The following HEPACAM variants were observed in gnomAD, a reference collection of about 807,000 sequenced individuals.
HEPACAM encodes the protein hepatic and glial cell adhesion molecule.
HEPACAM carries 18 observed loss-of-function variants against 38.3 expected under a neutral mutation model. The observed-to-expected ratio is 0.47, with a 90% CI of 0.33 to 0.70. HEPACAM has a LOEUF of 0.70. HEPACAM is among the 30% of genes least tolerant of loss of function. HEPACAM has a pLI of 0.03. For missense variants in HEPACAM, 466 were observed against 563.0 expected (o/e 0.83, Z 1.74); for synonymous variants, 216 against 243.1 (o/e 0.89, Z 1.04).
At chr11:124,929,951 T>A (rs901099860) in intron 1 of HEPACAM, among the ~76,000 whole-genome samples, 1 of 152,106 alleles carries the variant, frequency 6.6e-6, no homozygotes, top group Non-Finnish European at 1.5e-5. Flanking sequence ...GTGCCAAATA[T>A]GTGTTCTAGG....
In HEPACAM at chr11:124,922,784, C is replaced by T; in HGVS notation, c.838G>A (p.Glu280Lys). The change falls in exon 5 of 7, where the codon GAA (glutamate) becomes AAA (lysine). Residue 280 changes from glutamate to lysine, a missense_variant. By Grantham distance (56) the Glu-to-Lys change is moderately conservative. Coordinates refer to ENST00000298251, the MANE Select transcript of HEPACAM (RefSeq NM_152722.5). ...CGGTCATCATTCTGATCCATGTATT[C>T]CAGGGAGTTTTGCTTTTCTAGCTTC... is the stretch of plus-strand genomic sequence containing the variant. ...QKKLEKQNSL[E>K]YMDQNDDRLK... 6.2e-7 allele frequency: 1 copy of T among 1,614,150 alleles called. No individual in the cohort carries two copies. Among genetic ancestry groups the T allele is most frequent in the South Asian group, 1.1e-5 (1 of 91,088 alleles).
intron 6 of HEPACAM, among the ~76,000 whole-genome samples, 168 bp downstream of exon 6, chr11:124,922,220 C>G (rs1277243797): frequency 6.6e-6 from 1 of 152,192 alleles, no homozygotes; most frequent in Non-Finnish European, 1.5e-5. Flanking sequence ...TGAAACCACC[C>G]GCATCACCAT....
At chr11:124,928,202 G>A (rs759708521) in intron 1 of HEPACAM, among the ~76,000 whole-genome samples, 12 of 152,274 alleles carry the variant, frequency 7.9e-5, no homozygotes, top group South Asian at 4.1e-4. Flanking sequence ...CTGGCTCTGC[G>A]CATCAGACTA....
At chr11:124,925,592 G>A (rs151023871) in intron 1 of HEPACAM, among the ~76,000 whole-genome samples, 4 of 152,304 alleles carry the variant, frequency 2.6e-5, no homozygotes, top group East Asian at 1.9e-4. Flanking sequence ...GGAGCGGGTC[G>A]TGAGACAGTG....
At position 124,924,727 on chromosome 11, in the gene HEPACAM, C is replaced by T; in HGVS notation, c.427+1G>A. The T allele has an allele frequency of 1.2e-6, 2 of 1,613,284 alleles. No homozygotes were observed. Among genetic ancestry groups the T allele is most frequent in the Non-Finnish European group, 1.7e-6 (2 of 1,179,234 alleles). On this transcript the variant is annotated splice_donor_variant, in intron 2 of 6. Transcript: ENST00000298251. LOFTEE classifies it high-confidence loss of function. This position sits in a 1 kb window ranked among gnomAD's most constrained non-coding sequence, Gnocchi z 4.4. ...CCTCTTTCCCTGCCAGAGCGCTTTA[C>T]CATCTACAGTAAGGTTGATGGTCTT...
At position 124,924,760 on chromosome 11, in the gene HEPACAM, G is replaced by T; in HGVS notation, c.395C>A (p.Thr132Asn). The T allele has an allele frequency of 6.2e-7, 1 of 1,614,108 alleles. No individual in the cohort carries two copies. Among genetic ancestry groups the T allele is most frequent in the Non-Finnish European group, 8.5e-7 (1 of 1,179,998 alleles). The change falls in exon 2 of 7, where the codon ACT becomes AAT. Residue 132 changes from threonine (T) to asparagine (N), a missense_variant. Thr to Asn is a moderately conservative substitution (Grantham distance 65). Coordinates refer to ENST00000298251, the MANE Select transcript of HEPACAM (RefSeq NM_152722.5). This position sits in a 1 kb window ranked among gnomAD's most constrained non-coding sequence, Gnocchi z 4.4. ...VEISITDDTF[T>N]GEKTINLTVD... is the part of the protein sequence containing the mutation. ...AGTAAGGTTGATGGTCTTCTCCCCA[G>T]TGAAGGTGTCGTCGGTGATGGAGAT...
At chr11:124,926,894 A>G (rs555484958) in intron 1 of HEPACAM, among the ~76,000 whole-genome samples, 28 of 151,798 alleles carry the variant, frequency 1.8e-4, no homozygotes, top group African/African-American at 6.8e-4. Flanking sequence ...TTTGAGACGG[A>G]GTCTTGTTCT....
chr11:124,929,490 C>G (rs1947258155), intron 1 of HEPACAM, among the ~76,000 whole-genome samples: 2 of 152,160 alleles, frequency 1.3e-5, no homozygotes, highest in Admixed American at 6.5e-5. Flanking sequence ...AGAACTGGGA[C>G]AGGAGCCAAA....
In HEPACAM at chr11:124,921,116, T is replaced by A; in HGVS notation, c.*22A>T. The stretch of plus-strand genomic sequence containing the variant: ...CCACTGGCCGCAGACCGCGGGCGCC[T>A]CTCAGGGGATCCCGAGGCGGCTCAG... On this transcript the variant is annotated 3_prime_UTR_variant, in exon 7 of 7. Coordinates refer to ENST00000298251, the MANE Select transcript of HEPACAM (RefSeq NM_152722.5). The surrounding 1 kb of genome is among the most constrained non-coding windows in gnomAD (Gnocchi z 4.6). 1.3e-6 allele frequency: 2 copies of A among 1,523,492 alleles called. No individual in the cohort carries two copies. The highest frequency in any genetic ancestry group is 1.8e-6 in the Non-Finnish European group (2 of 1,142,018). The allele number at this position is 1,523,492 out of a possible 1,614,324, so 94.4% of individuals were successfully genotyped here. A position where few individuals can be genotyped will look rare whatever the true frequency, so the allele number is the denominator to read the frequency against.
intron 1 of HEPACAM, among the ~76,000 whole-genome samples, chr11:124,933,517 T>C (rs1317695128): frequency 1.3e-5 from 2 of 152,180 alleles, no homozygotes; most frequent in East Asian, 1.9e-4. Flanking sequence ...TTTTTCCACA[T>C]AGAATATCCT....
chr11:124,923,742 C>T lies in HEPACAM; in HGVS notation c.696G>A (p.Lys232=), dbSNP rs771212062. ...GGGGAAACTCACTGTATACGGTGAT[C>T]TTGACAGGCAGGCTGCGGCCCTGGC... ...PISQGRSLPV[K]ITVYRRSSLY... is the part of the protein sequence containing the mutation. The change falls in exon 3 of 7, where the codon AAG becomes AAA. Residue 232 remains lysine (K), a synonymous_variant. Coordinates refer to ENST00000298251, the MANE Select transcript of HEPACAM (RefSeq NM_152722.5). The T allele has an allele frequency of 7.3e-5, 118 of 1,614,152 alleles. 1 individual carries two copies. In the Middle Eastern group the frequency reaches 5.6e-3, roughly 77 times the overall value.
In HEPACAM at chr11:124,922,784, C is replaced by G. The variant is rs761989364; in HGVS notation, c.838G>C (p.Glu280Gln). 7 of 1,614,150 alleles carry G rather than the reference C, an allele frequency of 4.3e-6. No individual in the cohort carries two copies. In the East Asian group the frequency reaches 1.1e-4, roughly 26 times the overall value. ...CGGTCATCATTCTGATCCATGTATT[C>G]CAGGGAGTTTTGCTTTTCTAGCTTC... The part of the protein sequence containing the change: ...QKKLEKQNSL[E>Q]YMDQNDDRLK... Residue 280 changes from glutamate to glutamine, a missense_variant, in exon 5 of 7, where the codon GAA becomes CAA. Coordinates refer to ENST00000298251, the MANE Select transcript of HEPACAM (RefSeq NM_152722.5).
chr11:124,924,056 T>A lies in HEPACAM; in HGVS notation c.428-46A>T. ...AGCCTGTAAGTCATTGGCTAAGAAG[T>A]GTCTCCCTTCCCCTTTTTAGCTCCC... On this transcript the variant is annotated intron_variant, in intron 2 of 6. Coordinates refer to ENST00000298251, the MANE Select transcript of HEPACAM (RefSeq NM_152722.5). This position sits in a 1 kb window ranked among gnomAD's most constrained non-coding sequence, Gnocchi z 4.4. 1.3e-6 allele frequency: 2 copies of A among 1,562,570 alleles called. No individual in the cohort carries two copies. Among genetic ancestry groups the A allele is most frequent in the Non-Finnish European group, 1.7e-6 (2 of 1,157,524 alleles).
rs1199437129 is a variant in HEPACAM at position 124,924,988 on chromosome 11, T to C, written c.167A>G (p.Gln56Arg). ...TVGKSALLSV[Q>R]YSSTSSDRPV... ...CCTGTCGCTGCTGGTACTGCTGTAC[T>C]GCACAGAAAGCAGAGCCGACTTCCC... The change falls in exon 2 of 7, where the codon CAG (glutamine) becomes CGG (arginine). Residue 56 changes from glutamine to arginine, a missense_variant. Gln to Arg is a conservative substitution (Grantham distance 43, BLOSUM62 1). Transcript: ENST00000298251. This position sits in a 1 kb window ranked among gnomAD's most constrained non-coding sequence, Gnocchi z 4.4. 1.9e-6 allele frequency: 3 copies of C among 1,610,704 alleles called. No homozygotes were observed. The highest frequency in any genetic ancestry group is 2.5e-6 in the Non-Finnish European group (3 of 1,177,262).
At chr11:124,931,442 A>T (rs982858680) in intron 1 of HEPACAM, among the ~76,000 whole-genome samples, 1 of 152,214 alleles carries the variant, frequency 6.6e-6, no homozygotes, top group Non-Finnish European at 1.5e-5. Context: ...CCTGGCCTCA[A>T]GCAATCTTTA....
chr11:124,920,488 A>G lies in HEPACAM; in HGVS notation c.*650T>C. On this transcript the variant is annotated 3_prime_UTR_variant, in exon 7 of 7. Transcript: ENST00000298251. Reference sequence around the variant, plus strand: ...TGCTAGCGCCCAGGTCAGAGGGAAAAGGAATGTACTCGTACCCTTCCCTCA... The same window carrying G: ...TGCTAGCGCCCAGGTCAGAGGGAAAGGGAATGTACTCGTACCCTTCCCTCA... 6.6e-7 allele frequency: 1 copy of G among 1,526,290 alleles called. No homozygotes were observed. The highest frequency in any genetic ancestry group is 2.5e-5 in the East Asian group (1 of 39,430). 94.5% of individuals were successfully genotyped at this position (1,526,290 alleles called of 1,614,324 possible). A position where few individuals can be genotyped will look rare whatever the true frequency, so the allele number is the denominator to read the frequency against.
Position 124,920,932 on chromosome 11 carries a change from G to C in HEPACAM, c.*206C>G. 4 of 1,350,376 alleles carry C rather than the reference G, an allele frequency of 3.0e-6. No homozygotes were observed. Among genetic ancestry groups the C allele is most frequent in the African/African-American group, 3.1e-5 (2 of 64,888 alleles). The allele number at this position is 1,350,376 out of a possible 1,614,324, so 83.6% of individuals were successfully genotyped here. A position where few individuals can be genotyped will look rare whatever the true frequency, so the allele number is the denominator to read the frequency against. On this transcript the variant is annotated 3_prime_UTR_variant, in exon 7 of 7. Coordinates refer to ENST00000298251, the MANE Select transcript of HEPACAM (RefSeq NM_152722.5). ...CAGCCAGTAAACCGGAAGCAAATGC[G>C]ACCCGGTTTCACCATATCAACACTG...
chr11:124,934,483 T>A (rs965379450), intron 1 of HEPACAM, among the ~76,000 whole-genome samples: 15 of 150,640 alleles, frequency 1.0e-4, no homozygotes, highest in African/African-American at 3.7e-4. Flanking sequence ...CTAGTATGTG[T>A]CCTTATAAAA....
At chr11:124,929,971 A>G (rs933773988) in intron 1 of HEPACAM, among the ~76,000 whole-genome samples, 1 of 152,092 alleles carries the variant, frequency 6.6e-6, no homozygotes, top group Non-Finnish European at 1.5e-5. Flanking sequence ...GATTTGGTCT[A>G]TACACACCTT....
Sources: allele counts gnomAD v4.1 joint callset (sites outside exome capture counted in the v4.1 genomes callset), GRCh38; gene constraint gnomAD v4.1.1; non-coding constraint Gnocchi (gnomAD v3.1); transcripts MANE v1.5; gene names NCBI Gene and HGNC (gene_info 2026-07-23, HGNC 2026-07-21).